IL13RA1: variants seen among roughly 807,000 people sequenced by gnomAD.
IL13RA1 encodes interleukin 13 receptor subunit alpha 1.
In IL13RA1, 14 loss-of-function variants were observed where a neutral mutation model predicts 33.8. The observed-to-expected ratio is 0.41, with a 90% CI of 0.27 to 0.65. The LOEUF is 0.65. Ranked by LOEUF, IL13RA1 falls within the 30% of genes least tolerant of loss-of-function variation. IL13RA1 has a pLI of 0.28. For synonymous variants in IL13RA1, 116 were observed against 115.7 expected (o/e 1.00, Z -0.02); for missense variants, 313 against 327.0 (o/e 0.96, Z 0.33).
chrX:118,765,676 CAT>C (rs2017640418), intron 6 of IL13RA1, among the ~76,000 whole-genome samples: 1 of 111,960 alleles, frequency 8.9e-6, no homozygotes, highest in African/African-American at 3.2e-5. Context: ...TTTATATAGG[CAT>C]ATGTGGGTCA....
intron 9 of IL13RA1, among the ~76,000 whole-genome samples, chrX:118,775,273 T>G (rs771439821): frequency 1.8e-4 from 20 of 111,233 alleles, no homozygotes; most frequent in Non-Finnish European, 3.6e-4. Flanking sequence ...TTTGTTTGGC[T>G]GGAGTGGAGA....
At chrX:118,750,875 A>G (rs934164566) in intron 4 of IL13RA1, among the ~76,000 whole-genome samples, 2 of 111,155 alleles carry the variant, frequency 1.8e-5, no homozygotes, top group Non-Finnish European at 3.8e-5. Flanking sequence ...GGTGAGATCT[A>G]GGCTCACTGC....
At chrX:118,751,962 G>A (rs758913744) in intron 4 of IL13RA1, among the ~76,000 whole-genome samples, 1 of 107,980 alleles carries the variant, frequency 9.3e-6, no homozygotes, top group Admixed American at 1.0e-4. Flanking sequence ...GTTGCCCCAG[G>A]ATTCACATCC....
the IL13RA1 span, among the ~76,000 whole-genome samples, chrX:118,804,291 T>C: frequency 9.1e-6 from 1 of 109,954 alleles, no homozygotes; most frequent in African/African-American, 3.3e-5. Flanking sequence ...TAGTCAGACA[T>C]CTGTGAAGGA....
intron 6 of IL13RA1, among the ~76,000 whole-genome samples, chrX:118,766,162 T>A (rs891777993): frequency 9.0e-6 from 1 of 111,666 alleles, no homozygotes. Context: ...ATATGGGAGG[T>A]TTTTTTGGTC....
At chrX:118,749,081 A>AT (rs1331144887) in intron 3 of IL13RA1, among the ~76,000 whole-genome samples, 2 of 111,351 alleles carry the variant, frequency 1.8e-5, no homozygotes, top group Non-Finnish European at 3.8e-5. Flanking sequence ...ACACCTGGCT[A>AT]TTTTTTGTAT....
At chrX:118,786,306 C>T (rs1327913607) in intron 10 of IL13RA1, among the ~76,000 whole-genome samples, 2 of 109,195 alleles carry the variant, frequency 1.8e-5, no homozygotes, top group Non-Finnish European at 3.8e-5. Flanking sequence ...CAAGGAGAAT[C>T]GCTTGAACCT....
At chrX:118,760,919 G>A (rs1434711723) in intron 5 of IL13RA1, among the ~76,000 whole-genome samples, 1 of 112,081 alleles carries the variant, frequency 8.9e-6, no homozygotes, top group Admixed American at 9.5e-5. Context: ...CTAATACAAT[G>A]TAAATGCTAT....
chrX:118,795,799 G>A (rs2018027349), downstream of IL13RA1, among the ~76,000 whole-genome samples: 1 of 112,125 alleles, frequency 8.9e-6, no homozygotes, highest in South Asian at 3.7e-4. Flanking sequence ...TGTAACTTAT[G>A]CTCACATGAA....
Position 118,741,088 on chromosome X carries a change from C to A in IL13RA1, c.160C>A (p.Pro54Thr). Residue 54 changes from proline to threonine, a missense_variant, in exon 2 of 11, where the codon CCA (proline) becomes ACA (threonine). Pro to Thr is a conservative substitution (Grantham distance 38). Transcript: ENST00000371666. ...NLCTVIWTWN[P>T]PEGASSNCSL... ...CTGCACAGTAATATGGACATGGAATCCACCCGAGGGAGCCAGCTCAAATTG... is the reference window on the plus strand; with the variant it reads ...CTGCACAGTAATATGGACATGGAATACACCCGAGGGAGCCAGCTCAAATTG... 2 of 1,118,278 alleles carry A rather than the reference C, an allele frequency of 1.8e-6. No homozygotes were observed. Among genetic ancestry groups the A allele is most frequent in the Non-Finnish European group, 2.5e-6 (2 of 810,320 alleles). The allele number at this position is 1,118,278 out of a possible 1,213,427, so 92.2% of individuals were successfully genotyped here. A position where few individuals can be genotyped will look rare whatever the true frequency, so the allele number is the denominator to read the frequency against.
chrX:118,736,947 A>G (rs2017289586), intron 1 of IL13RA1, among the ~76,000 whole-genome samples: 1 of 112,655 alleles, frequency 8.9e-6, no homozygotes, highest in Non-Finnish European at 1.9e-5. Flanking sequence ...AAGAATTTCT[A>G]ATCTTTAATG....
chrX:118,795,227 A>AAAAAAAAAAAAAAAAAAAAG (rs200347606), downstream of IL13RA1, among the ~76,000 whole-genome samples: 19 of 94,996 alleles, frequency 2.0e-4, 1 homozygote, highest in African/African-American at 9.0e-4. Flanking sequence ...AAAAAAAAAA[A>AAAAAAAAAAAAAAAAAAAAG]AAAGAAAAAG....
intron 9 of IL13RA1, among the ~76,000 whole-genome samples, chrX:118,774,865 A>G (rs1321810977): frequency 2.7e-5 from 3 of 111,629 alleles, no homozygotes; most frequent in Non-Finnish European, 5.6e-5. Context: ...TTATTTCAAC[A>G]TTTATTCAAC....
chrX:118,781,519 T>C (rs2017843388), intron 10 of IL13RA1, among the ~76,000 whole-genome samples: 1 of 111,226 alleles, frequency 9.0e-6, no homozygotes, highest in Admixed American at 9.5e-5. Flanking sequence ...GCCTGGCTAA[T>C]TTTTGTAATT....
chrX:118,781,946 A>C (rs1390563510), intron 10 of IL13RA1, among the ~76,000 whole-genome samples: 2 of 112,461 alleles, frequency 1.8e-5, no homozygotes, highest in Non-Finnish European at 3.8e-5. Context: ...GTGTTATGCT[A>C]GCACCTTGTC....
At chrX:118,782,347 C>A (rs997368698) in intron 10 of IL13RA1, among the ~76,000 whole-genome samples, 5 of 110,244 alleles carry the variant, frequency 4.5e-5, no homozygotes, top group Non-Finnish European at 9.5e-5. Flanking sequence ...AGTGCTGGGA[C>A]TACAGGCATG....
At chrX:118,787,934 A>G (rs1226927112) in intron 10 of IL13RA1, among the ~76,000 whole-genome samples, 2 of 111,580 alleles carry the variant, frequency 1.8e-5, no homozygotes, top group Non-Finnish European at 1.9e-5. Context: ...CAATCATCAC[A>G]GGGGCCTGAG....
In IL13RA1 at chrX:118,794,162, T is replaced by A. The variant is rs192012004; in HGVS notation, c.*2308T>A. 1.9e-4 allele frequency: 21 copies of A among 111,409 alleles called. No homozygotes were observed. The East Asian group carries it at 4.8e-3, about 25-fold the overall frequency. 9.2% of individuals were successfully genotyped at this position (111,409 alleles called of 1,213,427 possible). A position where few individuals can be genotyped will look rare whatever the true frequency, so the allele number is the denominator to read the frequency against. ...TGTTCCCATCCTCTTCTTTTAGCAG[T>A]AAAATAGCTGAGGGAAAAGGGAGGG... is the stretch of plus-strand genomic sequence containing the variant. On this transcript the variant is annotated 3_prime_UTR_variant, in exon 11 of 11. Transcript: ENST00000371666.
chrX:118,768,269 A>G (rs983018237), intron 8 of IL13RA1, among the ~76,000 whole-genome samples: 1 of 112,279 alleles, frequency 8.9e-6, no homozygotes, highest in Non-Finnish European at 1.9e-5. Flanking sequence ...TTGTATAACA[A>G]ATTACTCCAA....
Sources: allele counts gnomAD v4.1 joint callset (sites outside exome capture counted in the v4.1 genomes callset), GRCh38; gene constraint gnomAD v4.1.1; transcripts MANE v1.5; gene names NCBI Gene and HGNC (gene_info 2026-07-23, HGNC 2026-07-21).